Variants in C18orf54 observed in about 807,000 individuals in gnomAD.
C18orf54 encodes lung adenoma susceptibility protein 2.
Under a neutral mutation model 49.3 loss-of-function variants are expected in C18orf54, and 49 were observed. That is an observed-to-expected ratio of 0.99 (90% CI 0.79 to 1.26). The LOEUF is 1.26. Among genes scored for constraint, C18orf54 ranks in the 50% most tolerant of loss-of-function variants. The pLI, the probability that C18orf54 is intolerant of heterozygous loss-of-function variation, is 0.00. For synonymous variants in C18orf54, 211 were observed against 216.6 expected, an observed-to-expected ratio of 0.97 and a Z score of 0.23; for missense variants, 687 against 620.6, an observed-to-expected ratio of 1.11 and a Z score of -1.14.
chr18:54,360,616 C>T lies in C18orf54; in HGVS notation c.44C>T (p.Ser15Phe). The T allele has an allele frequency of 1.2e-6, 2 of 1,614,058 alleles. No individual in the cohort carries two copies. Among genetic ancestry groups the T allele is most frequent in the Non-Finnish European group, 1.7e-6 (2 of 1,179,934 alleles). ...AAACATAGACTTTGTTCTCAGGAAT[C>T]TTCAGTATCTGCCCTGCTGGCAAGC... ...KTKHRLCSQESSVSALLASCT... is the reference protein window; with the variant it reads ...KTKHRLCSQEFSVSALLASCT... The change falls in exon 3 of 9, where the codon TCT (serine) becomes TTT (phenylalanine). Residue 15 changes from serine (S) to phenylalanine (F), a missense_variant. Coordinates refer to ENST00000620105, the MANE Select transcript of C18orf54 (RefSeq NM_001288980.2).
chr18:54,363,343 A>G (rs2089310363), intron 5 of C18orf54, among the ~76,000 whole-genome samples: 3 of 151,516 alleles, frequency 2.0e-5, no homozygotes, highest in Admixed American at 2.0e-4. Context: ...TTTGAGATGG[A>G]GTCTTGCTCT....
At chr18:54,368,562 T>A (rs1268788548) in intron 6 of C18orf54, among the ~76,000 whole-genome samples, 1 of 152,016 alleles carries the variant, frequency 6.6e-6, no homozygotes, top group African/African-American at 2.4e-5. Context: ...ATTGATAAGT[T>A]AATGCAGTAA....
chr18:54,373,043 A>G (rs1280766493), intron 7 of C18orf54, among the ~76,000 whole-genome samples: 1 of 151,864 alleles, frequency 6.6e-6, no homozygotes, highest in East Asian at 1.9e-4. Context: ...TTATGAATAC[A>G]GTTATATCAA....
intron 6 of C18orf54, among the ~76,000 whole-genome samples, chr18:54,369,883 A>G (rs746059954): frequency 9.9e-5 from 15 of 151,578 alleles, no homozygotes; most frequent in Non-Finnish European, 1.6e-4. Context: ...CTGTTTATTT[A>G]TAATACTGCT....
At chr18:54,365,036 C>T (rs897798052) in intron 5 of C18orf54, among the ~76,000 whole-genome samples, 2 of 151,758 alleles carry the variant, frequency 1.3e-5, no homozygotes, top group Admixed American at 1.3e-4. Context: ...CTTCTACTAC[C>T]CCGTGAATAT....
chr18:54,371,098 C>CT (rs2089479458), intron 6 of C18orf54, among the ~76,000 whole-genome samples: 1 of 152,140 alleles, frequency 6.6e-6, no homozygotes, highest in Non-Finnish European at 1.5e-5. Flanking sequence ...ATCACCAGAA[C>CT]TTTATCTTCT....
intron 8 of C18orf54, among the ~76,000 whole-genome samples, chr18:54,377,716 C>T (rs548772073): frequency 6.6e-6 from 1 of 152,194 alleles, no homozygotes; most frequent in East Asian, 1.9e-4. Context: ...GTAACTAATC[C>T]TTAAATGCTA....
Position 54,361,795 on chromosome 18 carries a change from C to T in C18orf54, c.436C>T (p.His146Tyr). Reference sequence around the variant, plus strand: ...TTCTTATACTTATGTTGGACCGAGTCACCGAACGAGCAAGAAAAACAAGAA... The same window carrying T: ...TTCTTATACTTATGTTGGACCGAGTTACCGAACGAGCAAGAAAAACAAGAA... ...SFSYTYVGPS[H>Y]RTSKKNKKCR... Residue 146 changes from histidine to tyrosine, a missense_variant, in exon 4 of 9, where the codon CAC becomes TAC. Transcript: ENST00000620105. 6.2e-7 allele frequency: 1 copy of T among 1,614,014 alleles called. No homozygotes were observed. The highest frequency in any genetic ancestry group is 8.5e-7 in the Non-Finnish European group (1 of 1,179,958).
chr18:54,362,283 T>C lies in C18orf54; in HGVS notation c.924T>C (p.Cys308=). 6.5e-7 allele frequency: 1 copy of C among 1,536,388 alleles called. No homozygotes were observed. Among genetic ancestry groups the C allele is most frequent in the Non-Finnish European group, 8.7e-7 (1 of 1,146,934 alleles). Residue 308 remains cysteine (C), a synonymous_variant, in exon 4 of 9, where the codon TGT becomes TGC. Transcript: ENST00000620105. ...GTSRLINKLD[C]FEYAFEPSNF... ...CTCGGCTTATCAATAAATTAGATTG[T>C]TTTGAATATGCTTTTGAACCCTCAA...
chr18:54,378,299 C>T lies in C18orf54; in HGVS notation c.*53C>T. 6.9e-7 allele frequency: 1 copy of T among 1,455,074 alleles called. No individual in the cohort carries two copies. Among genetic ancestry groups the T allele is most frequent in the African/African-American group, 1.4e-5 (1 of 71,258 alleles). 90.1% of individuals were successfully genotyped at this position (1,455,074 alleles called of 1,614,324 possible). ...GAATAGTCACCACAGAACAAATAGG[C>T]ATTTTTTCTATTACTTAAACTGACA... is the stretch of plus-strand genomic sequence containing the variant. On this transcript the variant is annotated 3_prime_UTR_variant, in exon 9 of 9. Transcript: ENST00000620105.
In C18orf54 at chr18:54,367,370, T is replaced by C. The variant is rs576820554; in HGVS notation, c.1326+1549T>C. 2.7e-3 allele frequency among the ~76,000 whole-genome samples: 410 copies of C among 152,256 alleles called. 4 individuals carry two copies. Among genetic ancestry groups the C allele is most frequent in the African/African-American group, 9.6e-3 (398 of 41,574 alleles). ...TTCATGATGGTGCTTATCTTTTTGC[T>C]TCCAGATGTAGGATTCCCCTGAGCA... On this transcript the variant is annotated intron_variant, in intron 6 of 8. Coordinates refer to ENST00000620105, the MANE Select transcript of C18orf54 (RefSeq NM_001288980.2).
At chr18:54,365,845 A>T in intron 6 of C18orf54, 24 bp downstream of exon 6, 1 of 1,410,304 alleles carries the variant, frequency 7.1e-7, no homozygotes, top group South Asian at 1.3e-5. Flanking sequence ...AAAGTTTTAA[A>T]ACTTATTTAA....
chr18:54,360,931 G>GT, intron 3 of C18orf54, 76 bp downstream of exon 3: 1 of 1,376,080 alleles, frequency 7.3e-7, no homozygotes, highest in Non-Finnish European at 9.9e-7. Context: ...GTATTGTAAA[G>GT]TTTGACATTA....
At position 54,362,766 on chromosome 18, in the gene C18orf54, A is replaced by G. The variant is rs763530149; in HGVS notation, c.1073-5A>G. 21 of 1,601,114 alleles carry G rather than the reference A, an allele frequency of 1.3e-5. No homozygotes were observed. Among genetic ancestry groups the G allele is most frequent in the African/African-American group, 2.7e-5 (2 of 74,254 alleles). ...CAAGGATTAATAGTCATCTTTTACA[A>G]TTAGGTGACAAAATTGAATTGCTTA... On this transcript the variant is annotated splice_region_variant and splice_polypyrimidine_tract_variant and intron_variant, in intron 4 of 8. Coordinates refer to ENST00000620105, the MANE Select transcript of C18orf54 (RefSeq NM_001288980.2).
intron 6 of C18orf54, among the ~76,000 whole-genome samples, chr18:54,366,090 C>T (rs1465824934): frequency 6.6e-6 from 1 of 151,740 alleles, no homozygotes; most frequent in African/African-American, 2.4e-5. Context: ...GGGTGATTTG[C>T]ATACCATCAT....
At chr18:54,372,724 G>T in intron 7 of C18orf54, 127 bp downstream of exon 7, 1 of 844,408 alleles carries the variant, frequency 1.2e-6, no homozygotes, top group Non-Finnish European at 1.7e-6. Context: ...TGTTGTAAGT[G>T]GCAGTAGTTT....
chr18:54,375,053 T>G (rs1239842988), intron 8 of C18orf54, among the ~76,000 whole-genome samples: 3 of 151,816 alleles, frequency 2.0e-5, no homozygotes, highest in Non-Finnish European at 4.4e-5. Flanking sequence ...ATGTATCATG[T>G]ATGATTACTT....
Position 54,381,308 on chromosome 18 carries a change from G to C in C18orf54, c.*3062G>C, listed in dbSNP as rs1246992459. Reference sequence around the variant, plus strand: ...TCATCCTCCCAGTGTATTCTGCATTGTCCTTACCCTAGATCAGCCCCTTCT... The same window carrying C: ...TCATCCTCCCAGTGTATTCTGCATTCTCCTTACCCTAGATCAGCCCCTTCT... On this transcript the variant is annotated 3_prime_UTR_variant, in exon 9 of 9. Coordinates refer to ENST00000620105, the MANE Select transcript of C18orf54 (RefSeq NM_001288980.2). The C allele has an allele frequency of 7.2e-6, 1 of 138,062 alleles. No homozygotes were observed. Among genetic ancestry groups the C allele is most frequent in the Non-Finnish European group, 1.5e-5 (1 of 64,738 alleles). 8.6% of individuals were successfully genotyped at this position (138,062 alleles called of 1,614,324 possible).
chr18:54,365,885 T>G (rs2089372192), intron 6 of C18orf54, 64 bp downstream of exon 6: 2 of 923,630 alleles, frequency 2.2e-6, no homozygotes, highest in Non-Finnish European at 3.1e-6. Context: ...AGATACTAAT[T>G]TTTAAGTTAC....
Sources: gnomAD v4.1 joint callset for allele counts (sites outside exome capture counted in the v4.1 genomes callset) on GRCh38, gnomAD v4.1.1 for gene constraint, MANE v1.5 for transcripts, NCBI Gene and HGNC (gene_info 2026-07-23, HGNC 2026-07-21) for gene names.